The following CERS4 variants were observed in gnomAD, a reference collection of about 807,000 sequenced individuals.
The protein encoded by CERS4 is ceramide synthase 4, also known as LAG1 homolog, ceramide synthase 4.
CERS4 carries 65 observed loss-of-function variants against 51.8 expected under a neutral mutation model. That is an observed-to-expected ratio of 1.26 (90% CI 1.03 to 1.54). The LOEUF is 1.54. Among genes scored for constraint, CERS4 ranks in the 40% most tolerant of loss-of-function variants. The pLI is 0.00. For synonymous variants in CERS4, 228 were observed against 208.4 expected (o/e 1.09, Z -0.81); for missense variants, 563 against 500.4 (o/e 1.13, Z -1.19).
At chr19:8,257,439 CA>C (rs1156609609) in intron 9 of CERS4, among the ~76,000 whole-genome samples, 1 of 86,070 alleles carries the variant, frequency 1.2e-5, no homozygotes, top group African/African-American at 5.7e-5. Context: ...CATGTATTCA[CA>C]TTTTTTTTTT....
At chr19:8,254,191 C>T (rs1458297014) in intron 3 of CERS4, among the ~76,000 whole-genome samples, 4 of 151,188 alleles carry the variant, frequency 2.6e-5, no homozygotes, top group Non-Finnish European at 5.9e-5. Context: ...GGCGTAGTGG[C>T]GGGCGCCTGC....
At chr19:8,221,076 C>T (rs1322636541) in intron 2 of CERS4, among the ~76,000 whole-genome samples, 7 of 151,888 alleles carry the variant, frequency 4.6e-5, no homozygotes, top group Non-Finnish European at 1.0e-4. Flanking sequence ...CTGCCCGCCT[C>T]GGCCTCCCAA....
intron 7 of CERS4, 99 bp downstream of exon 7, chr19:8,256,385 C>T: frequency 7.4e-7 from 1 of 1,346,808 alleles, no homozygotes; most frequent in South Asian, 1.3e-5. Context: ...ACTACACTGT[C>T]ATTCCCCACT....
chr19:8,217,280 G>A (rs62126388), intron 2 of CERS4, among the ~76,000 whole-genome samples: 2,936 of 152,184 alleles, frequency 0.019, 45 homozygotes, highest in Non-Finnish European at 0.03. Flanking sequence ...CATTCAGTGG[G>A]GAGACAGACG....
chr19:8,247,347 C>A (rs1248001102), intron 2 of CERS4, among the ~76,000 whole-genome samples: 1 of 152,044 alleles, frequency 6.6e-6, no homozygotes, highest in Non-Finnish European at 1.5e-5. Flanking sequence ...GCCTCAGGGC[C>A]TTTGCACCTG....
At chr19:8,261,484 CGTGT>C (rs1367562821) in intron 10 of CERS4, 200 bp from the exon 11 acceptor site, 3 of 596,300 alleles carry the variant, frequency 5.0e-6, no homozygotes, top group East Asian at 2.8e-5. Flanking sequence ...TCAGGGAGCT[CGTGT>C]GTGTGTTCTG....
At chr19:8,238,579 CTT>C (rs1436778571) in intron 2 of CERS4, 1 of 985,380 alleles carries the variant, frequency 1.0e-6, no homozygotes, top group Non-Finnish European at 1.2e-6. Flanking sequence ...GGAGGCCCCT[CTT>C]TACTTCCTTC....
At position 8,211,604 on chromosome 19, in the gene CERS4, C is replaced by T. The variant is rs533710811; in HGVS notation, c.-2+742C>T. On this transcript the variant is annotated intron_variant, in intron 2 of 11. Coordinates refer to ENST00000251363, the MANE Select transcript of CERS4 (RefSeq NM_024552.3). ...AGAGCTGGAGGCTATTAAAATATCACGGAGGGGCTGGGCGTGGTGGCTCAC... is the reference window on the plus strand; with the variant it reads ...AGAGCTGGAGGCTATTAAAATATCATGGAGGGGCTGGGCGTGGTGGCTCAC... Among the ~76,000 whole-genome samples, 5 of 152,218 alleles carry T rather than the reference C, an allele frequency of 3.3e-5. No homozygotes were observed. The South Asian group carries it at 6.2e-4, about 19-fold the overall frequency.
chr19:8,255,315 C>T (rs36246), intron 4 of CERS4, among the ~76,000 whole-genome samples: 37,119 of 152,024 alleles, frequency 0.24, 4,908 homozygotes, highest in Admixed American at 0.35. Flanking sequence ...TCTGGAGGGA[C>T]GCAGGGAAGC....
chr19:8,229,784 A>G (rs1206973738), intron 2 of CERS4, among the ~76,000 whole-genome samples: 3 of 152,084 alleles, frequency 2.0e-5, no homozygotes, highest in African/African-American at 7.2e-5. Flanking sequence ...AGGACTCACT[A>G]TAGCCTCAAC....
chr19:8,233,957 T>C (rs1968126422), intron 2 of CERS4, among the ~76,000 whole-genome samples: 1 of 150,294 alleles, frequency 6.7e-6, no homozygotes, highest in Non-Finnish European at 1.5e-5. Context: ...GTGGTGAAGG[T>C]TGCAGTTAGA....
chr19:8,245,909 A>C (rs1968764376), intron 2 of CERS4, among the ~76,000 whole-genome samples: 3 of 81,942 alleles, frequency 3.7e-5, no homozygotes, highest in Admixed American at 1.3e-4. Flanking sequence ...TGACAAAAAA[A>C]AAAAAAAAAA....
At position 8,229,411 on chromosome 19, in the gene CERS4, CTTCTTTT is replaced by C. The variant is rs1348240723; in HGVS notation, c.-2+18555_-2+18561del. Among the ~76,000 whole-genome samples the C allele has an allele frequency of 4.6e-4, 5 of 10,826 alleles. No individual in the cohort carries two copies. In the East Asian group the frequency reaches 5.2e-3, roughly 11 times the overall value. The allele number at this position is 10,826 out of a possible 152,430, so 7.1% of individuals were successfully genotyped here. A position where few individuals can be genotyped will look rare whatever the true frequency, so the allele number is the denominator to read the frequency against. Reference sequence around the variant, plus strand: ...TTCTTCTTTTTTCTTCTTCTTCTTTCTTCTTTTTTCTTCTTCTTCTTCTTCGTGTGTC... The same window carrying C: ...TTCTTCTTTTTTCTTCTTCTTCTTTCTTCTTCTTCTTCTTCTTCGTGTGTC... On this transcript the variant is annotated intron_variant, in intron 2 of 11. Coordinates refer to ENST00000251363, the MANE Select transcript of CERS4 (RefSeq NM_024552.3).
chr19:8,211,898 A>AG (rs1017143703), intron 2 of CERS4, among the ~76,000 whole-genome samples: 9 of 151,182 alleles, frequency 6.0e-5, no homozygotes, highest in African/African-American at 1.7e-4. Flanking sequence ...TCCAAAAAAA[A>AG]AAAAAAAAAA....
At chr19:8,242,826 A>G (rs948136422) in intron 2 of CERS4, among the ~76,000 whole-genome samples, 80 of 152,216 alleles carry the variant, frequency 5.3e-4, no homozygotes, top group African/African-American at 1.9e-3. Context: ...TGGGCATTGA[A>G]GCTGGGCACA....
At chr19:8,259,866 T>G (rs1053936617) in intron 10 of CERS4, among the ~76,000 whole-genome samples, 1 of 152,094 alleles carries the variant, frequency 6.6e-6, no homozygotes, top group Non-Finnish European at 1.5e-5. Context: ...GTCTCAGTCC[T>G]CGGGCTTCCT....
intron 2 of CERS4, among the ~76,000 whole-genome samples, chr19:8,233,778 C>CGAGGCGGGCGG: frequency 6.6e-6 from 1 of 151,718 alleles, no homozygotes. Context: ...TTTGGGAGGC[C>CGAGGCGGGCGG]ATAGCAGGTG....
intron 2 of CERS4, among the ~76,000 whole-genome samples, chr19:8,219,469 A>G (rs745962143): frequency 6.3e-4 from 96 of 152,318 alleles, no homozygotes; most frequent in Non-Finnish European, 1.0e-3. Context: ...GTTCGAGACA[A>G]GCCTGGGCAA....
intron 9 of CERS4, 168 bp downstream of exon 9, chr19:8,257,245 G>T (rs1969442211): frequency 1.4e-6 from 1 of 703,664 alleles, no homozygotes; most frequent in Non-Finnish European, 2.3e-6. Flanking sequence ...GGCTGATAAG[G>T]CCCCACCCCC....
Sources: allele counts gnomAD v4.1 joint callset (sites outside exome capture counted in the v4.1 genomes callset), GRCh38; gene constraint gnomAD v4.1.1; transcripts MANE v1.5; gene names NCBI Gene and HGNC (gene_info 2026-07-23, HGNC 2026-07-21).